The following SLC8A1 variants were observed in gnomAD, a reference collection of about 807,000 sequenced individuals.
SLC8A1 encodes sodium/calcium exchanger 1.
In SLC8A1, 18 loss-of-function variants were observed where a neutral mutation model predicts 68.3. That is an observed-to-expected ratio of 0.26 (90% confidence interval 0.18 to 0.39). The LOEUF is 0.39. Ranked by LOEUF, SLC8A1 falls within the 10% of genes least tolerant of loss-of-function variation. The pLI is 1.00. For missense variants in SLC8A1, 985 were observed against 1,156.7 expected (o/e 0.85, Z 2.15); for synonymous variants, 475 against 415.5 (o/e 1.14, Z -1.74).
chr2:40,418,509 T>C (rs1361503514), intron 2 of SLC8A1, among the ~76,000 whole-genome samples: 2 of 152,156 alleles, frequency 1.3e-5, no homozygotes, highest in African/African-American at 4.8e-5. Context: ...CACCTGAGCC[T>C]AAGACCTCAA....
intron 2 of SLC8A1, among the ~76,000 whole-genome samples, chr2:40,271,592 T>A (rs1186495575): frequency 6.6e-6 from 1 of 152,216 alleles, no homozygotes; most frequent in Non-Finnish European, 1.5e-5. Flanking sequence ...ATTATTTGTC[T>A]CTGCCACTAG....
chr2:40,253,093 GTATA>G (rs1472896487), intron 2 of SLC8A1, among the ~76,000 whole-genome samples: 3 of 104,458 alleles, frequency 2.9e-5, no homozygotes, highest in Admixed American at 1.1e-4. Context: ...AATGTATATA[GTATA>G]TATACATATA....
intron 2 of SLC8A1, among the ~76,000 whole-genome samples, chr2:40,195,468 G>A (rs1441043233): frequency 1.8e-4 from 27 of 151,962 alleles, no homozygotes. Context: ...TGGAGAACTG[G>A]AGGAAAGGAA....
intron 7 of SLC8A1, among the ~76,000 whole-genome samples, chr2:40,124,196 C>G (rs931844386): frequency 2.0e-5 from 3 of 152,196 alleles, no homozygotes; most frequent in African/African-American, 2.4e-5. Flanking sequence ...TTCTCACCTG[C>G]AGGTAGCCTT....
rs1187558701 is a variant in SLC8A1 at position 40,139,126 on chromosome 2, T to C, written c.2437+275A>G. The stretch of plus-strand genomic sequence containing the variant: ...TTGCAATGGGAAGCTGATCTGAAAA[T>C]CTATCCATCAAACCAATCTGGTCTC... On this transcript the variant is annotated intron_variant, in intron 7 of 7. Coordinates refer to ENST00000406785, the Ensembl canonical transcript of SLC8A1. Among the ~76,000 whole-genome samples, 5 of 152,148 alleles carry C rather than the reference T, an allele frequency of 3.3e-5. No individual in the cohort carries two copies. In the South Asian group the frequency reaches 8.3e-4, roughly 25 times the overall value.
intron 2 of SLC8A1, among the ~76,000 whole-genome samples, chr2:40,414,140 G>A (rs1461712651): frequency 6.6e-6 from 1 of 152,124 alleles, no homozygotes; most frequent in African/African-American, 2.4e-5. Flanking sequence ...TTTATGAAAT[G>A]AAACATGAAT....
chr2:40,268,292 T>C (rs1001693980), intron 2 of SLC8A1, among the ~76,000 whole-genome samples: 75 of 152,282 alleles, frequency 4.9e-4, no homozygotes, highest in African/African-American at 1.7e-3. Context: ...CCATACTCAC[T>C]AAAGTGAAAT....
chr2:40,141,868 T>C (rs1216010588), intron 6 of SLC8A1, among the ~76,000 whole-genome samples: 1 of 152,190 alleles, frequency 6.6e-6, no homozygotes, highest in Admixed American at 6.5e-5. Context: ...ATACCAGGGA[T>C]GTGCGTGCAC....
chr2:40,137,026 C>T (rs1319340762), intron 7 of SLC8A1, among the ~76,000 whole-genome samples: 1 of 152,088 alleles, frequency 6.6e-6, no homozygotes, highest in Non-Finnish European at 1.5e-5. Context: ...GTTGTATTTT[C>T]CCCAAACAGA....
intron 2 of SLC8A1, among the ~76,000 whole-genome samples, chr2:40,391,680 A>C (rs889960362): frequency 9.9e-5 from 15 of 152,060 alleles, no homozygotes; most frequent in African/African-American, 3.4e-4. Context: ...CCATATCCAC[A>C]ACTTGGAACT....
At chr2:40,448,568 C>T (rs1701865526) in intron 1 of SLC8A1, among the ~76,000 whole-genome samples, 1 of 152,120 alleles carries the variant, frequency 6.6e-6, no homozygotes, top group Non-Finnish European at 1.5e-5. Context: ...TTGTTAGCCA[C>T]CTTTACTACC....
chr2:40,485,968 A>T (rs1704942670), intron 1 of SLC8A1, among the ~76,000 whole-genome samples: 1 of 152,112 alleles, frequency 6.6e-6, no homozygotes, highest in Admixed American at 6.6e-5. Context: ...GTTTGTCCCC[A>T]CTCAAATGTC....
chr2:40,431,234 C>A (rs913116260), intron 1 of SLC8A1, among the ~76,000 whole-genome samples: 1 of 151,864 alleles, frequency 6.6e-6, no homozygotes, highest in Admixed American at 6.6e-5. Context: ...GCGTCACCAA[C>A]CTTAAAATGT....
At chr2:40,433,844 G>T (rs1489793538) in intron 1 of SLC8A1, among the ~76,000 whole-genome samples, 1 of 152,154 alleles carries the variant, frequency 6.6e-6, no homozygotes, top group Non-Finnish European at 1.5e-5. Flanking sequence ...AAAGCCTCTT[G>T]GCTTCCATGC....
intron 6 of SLC8A1, among the ~76,000 whole-genome samples, chr2:40,155,060 C>T (rs1002832613): frequency 6.6e-6 from 1 of 151,874 alleles, no homozygotes; most frequent in Non-Finnish European, 1.5e-5. Flanking sequence ...TTGGTAACAC[C>T]CTCCTCCTTT....
rs376782148 is a variant in SLC8A1, at chr2:40,415,276, C to T, written c.1808+13197G>A. On this transcript the variant is annotated intron_variant, in intron 2 of 7. Coordinates refer to ENST00000406785, the Ensembl canonical transcript of SLC8A1. Reference sequence around the variant, plus strand: ...CTGGAGGGGACTTCCAAGAGTCTCTCATTTAAGAAGAAAAATTAAAGACAT... The same window carrying T: ...CTGGAGGGGACTTCCAAGAGTCTCTTATTTAAGAAGAAAAATTAAAGACAT... 4.6e-5 allele frequency among the ~76,000 whole-genome samples: 7 copies of T among 152,136 alleles called. No homozygotes were observed. The East Asian group carries it at 1.4e-3, about 29-fold the overall frequency.
At chr2:40,355,992 C>T (rs1321092674) in intron 2 of SLC8A1, among the ~76,000 whole-genome samples, 1 of 152,134 alleles carries the variant, frequency 6.6e-6, no homozygotes, top group African/African-American at 2.4e-5. Flanking sequence ...AAGCACCTAC[C>T]GAGAGCTAGA....
chr2:40,314,950 C>T (rs1337622554), intron 2 of SLC8A1, among the ~76,000 whole-genome samples: 2 of 151,874 alleles, frequency 1.3e-5, no homozygotes, highest in South Asian at 2.1e-4. Flanking sequence ...TACAGAGGTT[C>T]ATTTCTGTCT....
intron 2 of SLC8A1, among the ~76,000 whole-genome samples, chr2:40,245,287 C>T (rs376547788): frequency 4.4e-5 from 5 of 114,910 alleles, no homozygotes; most frequent in Non-Finnish European, 5.3e-5. Flanking sequence ...GAGCCTATAC[C>T]GGATCTCTCT....
Sources: allele counts gnomAD v4.1 joint callset (sites outside exome capture counted in the v4.1 genomes callset), GRCh38; gene constraint gnomAD v4.1.1; transcripts MANE v1.5; gene names NCBI Gene and HGNC (gene_info 2026-07-23, HGNC 2026-07-21).